Variants in CDH19 observed in about 807,000 individuals in gnomAD.
CDH19 encodes the protein cadherin 19.
A neutral mutation model predicts 64.2 loss-of-function variants in CDH19; 67 were observed. That is an observed-to-expected ratio of 1.04 (90% confidence interval 0.86 to 1.28). CDH19 has a LOEUF of 1.28. CDH19 is among the 50% of genes most tolerant of loss of function. The pLI, the probability that CDH19 is intolerant of heterozygous loss-of-function variation, is 0.00. For missense variants in CDH19, 1,030 were observed against 929.0 expected (o/e 1.11, Z -1.41); for synonymous variants, 346 against 319.3 (o/e 1.08, Z -0.89).
chr18:66,602,382 G>A (rs554941534), intron 1 of CDH19, among the ~76,000 whole-genome samples: 1 of 151,850 alleles, frequency 6.6e-6, no homozygotes, highest in Non-Finnish European at 1.5e-5. Flanking sequence ...GATGGATCTG[G>A]TTTCTTAATA....
At chr18:66,600,441 A>C (rs574183650) in intron 1 of CDH19, among the ~76,000 whole-genome samples, 4 of 152,012 alleles carry the variant, frequency 2.6e-5, no homozygotes, top group African/African-American at 7.2e-5. Flanking sequence ...TATGCACAAA[A>C]AAATCTCAAT....
rs568581126 is a variant in CDH19, at chr18:66,527,767, A to T, written c.1458+2078T>A. 1.3e-3 allele frequency among the ~76,000 whole-genome samples: 179 copies of T among 142,384 alleles called. 1 individual carries two copies. Among genetic ancestry groups the T allele is most frequent in the African/African-American group, 3.9e-3 (157 of 40,186 alleles). The allele number at this position is 142,384 out of a possible 152,430, so 93.4% of individuals were successfully genotyped here. A position where few individuals can be genotyped will look rare whatever the true frequency, so the allele number is the denominator to read the frequency against. ...AAAGCTCCATCTATATATATATATA[A>T]AAAACAGAACTTTGTCCAATTAACA... On this transcript the variant is annotated intron_variant, in intron 9 of 11. Transcript: ENST00000262150.
At chr18:66,511,414 G>A (rs1321339440) in intron 10 of CDH19, among the ~76,000 whole-genome samples, 154 bp downstream of exon 10, 4 of 151,616 alleles carry the variant, frequency 2.6e-5, no homozygotes, top group African/African-American at 7.3e-5. Flanking sequence ...TTAACATTGA[G>A]TTTTGTTTTC....
chr18:66,579,858 A>G (rs73541705), intron 1 of CDH19, among the ~76,000 whole-genome samples: 2,924 of 152,130 alleles, frequency 0.019, 104 homozygotes, highest in African/African-American at 0.067. Flanking sequence ...CTTTCTTGTT[A>G]TATAAAAACA....
At chr18:66,535,817 CAT>C (rs200230518) in intron 7 of CDH19, among the ~76,000 whole-genome samples, 21,812 of 145,556 alleles carry the variant, frequency 0.15, 1,736 homozygotes, top group South Asian at 0.25. Context: ...ATATATGATA[CAT>C]ATGTTTTATT....
intron 3 of CDH19, among the ~76,000 whole-genome samples, chr18:66,555,569 T>C (rs1410274171): frequency 2.0e-5 from 3 of 151,860 alleles, no homozygotes; most frequent in Non-Finnish European, 4.4e-5. Flanking sequence ...GTAGAATTTC[T>C]TCTTATTCAC....
intron 9 of CDH19, among the ~76,000 whole-genome samples, chr18:66,521,531 G>GT: frequency 6.9e-6 from 1 of 145,142 alleles, no homozygotes; most frequent in Admixed American, 6.9e-5. Context: ...TATTTTGTTT[G>GT]TTTGTTTGTT....
chr18:66,597,918 G>C (rs892903933), intron 1 of CDH19, among the ~76,000 whole-genome samples: 1 of 152,098 alleles, frequency 6.6e-6, no homozygotes, highest in Non-Finnish European at 1.5e-5. Context: ...GGGAAGGATA[G>C]CATTAGGAGA....
chr18:66,520,358 T>C (rs1277140610), intron 9 of CDH19, among the ~76,000 whole-genome samples: 1 of 145,304 alleles, frequency 6.9e-6, no homozygotes, highest in Non-Finnish European at 1.5e-5. Flanking sequence ...TTTTTTTTTT[T>C]CAGTTTTCTG....
At chr18:66,518,580 C>T (rs955921625) in intron 9 of CDH19, among the ~76,000 whole-genome samples, 3 of 151,826 alleles carry the variant, frequency 2.0e-5, no homozygotes, top group Admixed American at 1.3e-4. Flanking sequence ...ATGAAAAGTT[C>T]GTGTATATAA....
At chr18:66,528,432 G>A (rs923842467) in intron 9 of CDH19, among the ~76,000 whole-genome samples, 2 of 152,080 alleles carry the variant, frequency 1.3e-5, no homozygotes, top group East Asian at 3.8e-4. Context: ...ACAATAGAGA[G>A]CCTCTGAAAT....
chr18:66,523,606 C>T (rs1214392164), intron 9 of CDH19, among the ~76,000 whole-genome samples: 1 of 149,626 alleles, frequency 6.7e-6, no homozygotes, highest in Non-Finnish European at 1.5e-5. Context: ...AGTGTTTACA[C>T]TCGGTGGGGG....
Position 66,551,245 on chromosome 18 carries a change from T to C in CDH19, c.624A>G (p.Ile208Met). 1.4e-6 allele frequency: 2 copies of C among 1,459,098 alleles called. No individual in the cohort carries two copies. Among genetic ancestry groups the C allele is most frequent in the Non-Finnish European group, 9.6e-7 (1 of 1,043,040 alleles). 90.4% of individuals were successfully genotyped at this position (1,459,098 alleles called of 1,614,324 possible). Residue 208 changes from isoleucine to methionine, a missense_variant, in exon 5 of 12, where the codon ATA (isoleucine) becomes ATG (methionine). Coordinates refer to ENST00000262150, the MANE Select transcript of CDH19 (RefSeq NM_021153.4). ...GCAGTTCTCTATCCATTTTAGAAGA[T>C]ATTCTTATGACTCCTTTAAAAATAT... ...SVEPTTGVIRISSKMDRELQD... is the reference protein window; with the variant it reads ...SVEPTTGVIRMSSKMDRELQD...
chr18:66,535,198 C>CTT, intron 7 of CDH19, 91 bp from the exon 8 acceptor site: 1 of 666,800 alleles, frequency 1.5e-6, no homozygotes, highest in South Asian at 5.1e-5. Context: ...ACATCTTATT[C>CTT]AATGCATGCT....
At chr18:66,572,344 T>C (rs1568204353) in intron 1 of CDH19, 28 bp from the exon 2 acceptor site, 1 of 519,320 alleles carries the variant, frequency 1.9e-6, no homozygotes, top group Non-Finnish European at 3.3e-6. Flanking sequence ...AAACAAAATT[T>C]GACATTTTAA....
intron 8 of CDH19, among the ~76,000 whole-genome samples, chr18:66,534,451 T>A (rs1986578764): frequency 6.6e-6 from 1 of 152,140 alleles, no homozygotes; most frequent in African/African-American, 2.4e-5. Flanking sequence ...ATTAAAATTC[T>A]ATGTAAAATC....
intron 1 of CDH19, among the ~76,000 whole-genome samples, chr18:66,601,374 A>G (rs947739624): frequency 7.2e-5 from 11 of 152,064 alleles, no homozygotes; most frequent in African/African-American, 2.4e-4. Flanking sequence ...ATTTTAAGAC[A>G]TGACTGATGT....
chr18:66,524,764 T>C (rs1235494521), intron 9 of CDH19, among the ~76,000 whole-genome samples: 4 of 152,002 alleles, frequency 2.6e-5, no homozygotes, highest in Admixed American at 6.6e-5. Context: ...ATAATGAAGC[T>C]TTTTATTTCT....
At chr18:66,545,593 T>G (rs1987083690) in intron 5 of CDH19, among the ~76,000 whole-genome samples, 1 of 152,184 alleles carries the variant, frequency 6.6e-6, no homozygotes, top group Non-Finnish European at 1.5e-5. Flanking sequence ...ATTCATGTTT[T>G]ATTTTTTATT....
Sources: gnomAD v4.1 joint callset for allele counts (sites outside exome capture counted in the v4.1 genomes callset) on GRCh38, gnomAD v4.1.1 for gene constraint, MANE v1.5 for transcripts, NCBI Gene and HGNC (gene_info 2026-07-23, HGNC 2026-07-21) for gene names.